The following SLC24A3 variants were observed in gnomAD, a reference collection of about 807,000 sequenced individuals.
The protein encoded by SLC24A3 is sodium/potassium/calcium exchanger 3.
Under a neutral mutation model 75.8 loss-of-function variants are expected in SLC24A3, and 28 were observed. The observed-to-expected ratio is 0.37, with a 90% CI of 0.27 to 0.51. SLC24A3 has a LOEUF of 0.51. SLC24A3 is among the 20% of genes least tolerant of loss of function. SLC24A3 has a pLI of 0.94. For missense variants in SLC24A3, 663 were observed against 847.8 expected, an observed-to-expected ratio of 0.78 and a Z score of 2.71; for synonymous variants, 372 against 334.1, an observed-to-expected ratio of 1.11 and a Z score of -1.24.
At chr20:19,480,520 T>C (rs1263588162) in intron 2 of SLC24A3, among the ~76,000 whole-genome samples, 5 of 152,156 alleles carry the variant, frequency 3.3e-5, no homozygotes, top group Admixed American at 2.0e-4. Flanking sequence ...CAGAAACTAG[T>C]TGGGGTCTTG....
At chr20:19,233,145 A>G (rs1338285582) in intron 1 of SLC24A3, among the ~76,000 whole-genome samples, 1 of 152,218 alleles carries the variant, frequency 6.6e-6, no homozygotes, top group Admixed American at 6.5e-5. Context: ...AGAAGGAAAA[A>G]CAAAATTTTA....
chr20:19,680,781 A>G (rs1164115026), intron 9 of SLC24A3, among the ~76,000 whole-genome samples: 2 of 152,196 alleles, frequency 1.3e-5, no homozygotes, highest in Admixed American at 6.5e-5. Flanking sequence ...TACCCACTGA[A>G]GAATCAGGCA....
At chr20:19,246,025 C>CAA (rs1982475477) in intron 1 of SLC24A3, among the ~76,000 whole-genome samples, 1 of 152,024 alleles carries the variant, frequency 6.6e-6, no homozygotes, top group African/African-American at 2.4e-5. Flanking sequence ...AACAATATAG[C>CAA]ATAATATTTT....
chr20:19,502,387 C>T (rs1018935672), intron 2 of SLC24A3, among the ~76,000 whole-genome samples: 3 of 152,128 alleles, frequency 2.0e-5, no homozygotes, highest in African/African-American at 2.4e-5. Flanking sequence ...AGGCTGAAAG[C>T]GGATATGTCA....
rs546881674 is a variant in SLC24A3 at position 19,481,116 on chromosome 20, G to A, written c.272-34372G>A. On this transcript the variant is annotated intron_variant, in intron 2 of 16. Transcript: ENST00000328041. ...GCGACAGGAACTTGGGAACCAAATA[G>A]TAATGAGAAACAGCCTCTGCCCACG... Among the ~76,000 whole-genome samples, 7 of 152,282 alleles carry A rather than the reference G, an allele frequency of 4.6e-5. No individual in the cohort carries two copies. In the East Asian group the frequency reaches 1.4e-3, roughly 29 times the overall value.
chr20:19,362,574 G>A (rs1472244670), intron 2 of SLC24A3, among the ~76,000 whole-genome samples: 2 of 152,204 alleles, frequency 1.3e-5, no homozygotes, highest in African/African-American at 2.4e-5. Flanking sequence ...TCACCATGAC[G>A]TTTCTGTGAA....
rs189937067 is a variant in SLC24A3 at position 19,342,960 on chromosome 20, C to G, written c.271+61873C>G. On this transcript the variant is annotated intron_variant, in intron 2 of 16. Transcript: ENST00000328041. Reference sequence around the variant, plus strand: ...TGGCAGGTGCCTGTAGTCCCAGCTACTCGGGAGGCTGAGGCAGGAGAATGG... The same window carrying G: ...TGGCAGGTGCCTGTAGTCCCAGCTAGTCGGGAGGCTGAGGCAGGAGAATGG... Among the ~76,000 whole-genome samples, 5 of 150,848 alleles carry G rather than the reference C, an allele frequency of 3.3e-5. No individual in the cohort carries two copies. In the East Asian group the frequency reaches 7.9e-4, roughly 24 times the overall value.
intron 2 of SLC24A3, among the ~76,000 whole-genome samples, chr20:19,409,847 G>GTA (rs548789154): frequency 0.16 from 23,700 of 146,080 alleles, 2,337 homozygotes; most frequent in East Asian, 0.34. Context: ...GTGTGTGTGT[G>GTA]TATATATATA....
At chr20:19,495,239 C>T (rs1309125158) in intron 2 of SLC24A3, among the ~76,000 whole-genome samples, 1 of 152,214 alleles carries the variant, frequency 6.6e-6, no homozygotes, top group African/African-American at 2.4e-5. Flanking sequence ...GAAAGGGTTT[C>T]TGAGCGGGCA....
chr20:19,695,498 A>G (rs1014273104), intron 13 of SLC24A3: 3 of 152,130 alleles, frequency 2.0e-5, no homozygotes, highest in Non-Finnish European at 4.4e-5. Context: ...TTTTTTAAGC[A>G]TGCTTGCATT....
intron 2 of SLC24A3, among the ~76,000 whole-genome samples, chr20:19,365,292 A>C (rs185052047): frequency 1.5e-3 from 221 of 152,252 alleles, no homozygotes; most frequent in East Asian, 0.012. Context: ...GCACATTCTC[A>C]GGCCCCACCC....
At chr20:19,275,289 G>A (rs559901987) in intron 1 of SLC24A3, among the ~76,000 whole-genome samples, 15 of 152,300 alleles carry the variant, frequency 9.8e-5, no homozygotes, top group African/African-American at 3.6e-4. Flanking sequence ...CTGCTTACCT[G>A]CATCAGCATT....
intron 2 of SLC24A3, among the ~76,000 whole-genome samples, chr20:19,377,539 G>A (rs565405728): frequency 2.6e-5 from 4 of 152,154 alleles, no homozygotes; most frequent in Non-Finnish European, 4.4e-5. Flanking sequence ...CTGCATCAGG[G>A]AACTTTTGGG....
chr20:19,483,144 A>G (rs1351795393), intron 2 of SLC24A3, among the ~76,000 whole-genome samples: 1 of 152,198 alleles, frequency 6.6e-6, no homozygotes, highest in African/African-American at 2.4e-5. Flanking sequence ...CATCAGGGGC[A>G]ATGATCAGTC....
chr20:19,260,536 T>C (rs1260247793), intron 1 of SLC24A3, among the ~76,000 whole-genome samples: 1 of 152,204 alleles, frequency 6.6e-6, no homozygotes, highest in Non-Finnish European at 1.5e-5. Flanking sequence ...GAAATAATAA[T>C]AGTAGCAAGA....
At chr20:19,495,310 G>C (rs548729109) in intron 2 of SLC24A3, among the ~76,000 whole-genome samples, 50 of 152,326 alleles carry the variant, frequency 3.3e-4, no homozygotes, top group African/African-American at 1.1e-3. Context: ...CATTGGACTG[G>C]ATGTACAAGT....
At chr20:19,343,675 G>C (rs984300692) in intron 2 of SLC24A3, among the ~76,000 whole-genome samples, 11 of 152,152 alleles carry the variant, frequency 7.2e-5, no homozygotes, top group Non-Finnish European at 8.8e-5. Flanking sequence ...CCATGAGAGG[G>C]TGGCACCAAG....
chr20:19,587,739 A>G (rs986567927), intron 6 of SLC24A3, among the ~76,000 whole-genome samples: 59 of 152,172 alleles, frequency 3.9e-4, no homozygotes, highest in Non-Finnish European at 4.7e-4. Flanking sequence ...GAAGTTACTT[A>G]TGTTCTCAAA....
chr20:19,520,961 T>C (rs1368768963), intron 3 of SLC24A3, among the ~76,000 whole-genome samples: 10 of 152,168 alleles, frequency 6.6e-5, no homozygotes, highest in African/African-American at 2.2e-4. Context: ...GCCTTTGATA[T>C]AGAAGTGATG....
Sources: allele counts gnomAD v4.1 joint callset (sites outside exome capture counted in the v4.1 genomes callset), GRCh38; gene constraint gnomAD v4.1.1; transcripts MANE v1.5; gene names NCBI Gene and HGNC (gene_info 2026-07-23, HGNC 2026-07-21).